The following IMMP2L variants were observed in gnomAD, a reference collection of about 807,000 sequenced individuals.
IMMP2L encodes inner mitochondrial membrane peptidase subunit 2, also known as mitochondrial inner membrane protease subunit 2.
A neutral mutation model predicts 19.3 loss-of-function variants in IMMP2L; 18 were observed. The observed-to-expected ratio is 0.93, with a 90% CI of 0.64 to 1.38. The LOEUF (loss-of-function observed/expected upper bound fraction) is 1.38, where lower values mean the gene tolerates loss of function less well. Ranked by LOEUF, IMMP2L falls within the 40% of genes most tolerant of loss-of-function variation. The pLI is 0.00. For missense variants in IMMP2L, 233 were observed against 218.2 expected (o/e 1.07, Z -0.43); for synonymous variants, 76 against 73.0 (o/e 1.04, Z -0.21).
intron 5 of IMMP2L, among the ~76,000 whole-genome samples, chr7:110,777,249 T>C (rs996432397): frequency 3.4e-4 from 51 of 152,048 alleles, no homozygotes; most frequent in African/African-American, 1.2e-3. Flanking sequence ...TGAAAATCAC[T>C]TGGTTGGGCC....
At chr7:111,490,614 T>A (rs1585324572) in intron 2 of IMMP2L, among the ~76,000 whole-genome samples, 1 of 151,746 alleles carries the variant, frequency 6.6e-6, no homozygotes, top group East Asian at 1.9e-4. Context: ...ATGTAACTCA[T>A]GCTATATCTA....
intron 1 of IMMP2L, among the ~76,000 whole-genome samples, chr7:111,555,710 T>G (rs71213281): frequency 6.6e-6 from 1 of 151,884 alleles, no homozygotes; most frequent in Non-Finnish European, 1.5e-5. Context: ...ACCTATCTTA[T>G]GGCAAAAAGC....
At chr7:111,446,007 G>T (rs10276181) in intron 3 of IMMP2L, among the ~76,000 whole-genome samples, 1 of 151,198 alleles carries the variant, frequency 6.6e-6, no homozygotes, top group Admixed American at 6.6e-5. Context: ...ACCGGCTTAA[G>T]AAACGGCGCA....
chr7:111,479,892 A>G (rs980797221), intron 3 of IMMP2L, among the ~76,000 whole-genome samples: 1 of 152,164 alleles, frequency 6.6e-6, no homozygotes, highest in African/African-American at 2.4e-5. Flanking sequence ...GAAGCTATGT[A>G]TAACTCCTAT....
chr7:111,391,677 G>A (rs1207394592), intron 3 of IMMP2L, among the ~76,000 whole-genome samples: 5 of 151,996 alleles, frequency 3.3e-5, no homozygotes, highest in African/African-American at 4.8e-5. Context: ...CACTGCCTTC[G>A]TTTTATACAG....
chr7:111,015,790 A>G (rs1825447899), intron 3 of IMMP2L, among the ~76,000 whole-genome samples: 1 of 152,116 alleles, frequency 6.6e-6, no homozygotes, highest in African/African-American at 2.4e-5. Context: ...ATATATTAAG[A>G]CCACTGAATT....
chr7:110,875,417 T>C (rs1400149214), intron 5 of IMMP2L, among the ~76,000 whole-genome samples: 2 of 152,138 alleles, frequency 1.3e-5, no homozygotes, highest in African/African-American at 4.8e-5. Flanking sequence ...GACAGAAGAA[T>C]GCAATACAGT....
chr7:110,670,208 A>T (rs962440905), intron 5 of IMMP2L, among the ~76,000 whole-genome samples: 2 of 152,204 alleles, frequency 1.3e-5, no homozygotes, highest in Admixed American at 1.3e-4. Flanking sequence ...TTCATGTGAG[A>T]ACATAGCAAG....
chr7:111,258,862 T>TA (rs1180163801), intron 3 of IMMP2L, among the ~76,000 whole-genome samples: 4 of 152,060 alleles, frequency 2.6e-5, no homozygotes, highest in Non-Finnish European at 5.9e-5. Flanking sequence ...GTACTTATAC[T>TA]TAAGTACTGA....
chr7:110,784,460 C>T (rs1799940824), intron 5 of IMMP2L, among the ~76,000 whole-genome samples: 1 of 151,944 alleles, frequency 6.6e-6, no homozygotes, highest in Non-Finnish European at 1.5e-5. Flanking sequence ...TACCATGAAG[C>T]CATCATCCAT....
At position 111,562,396 on chromosome 7, in the gene IMMP2L, C is replaced by G. The variant is rs1792193730; in HGVS notation, c.-548G>C. The G allele has an allele frequency of 6.7e-6, 1 of 150,366 alleles. No individual in the cohort carries two copies. The highest frequency in any genetic ancestry group is 2.1e-4 in the South Asian group (1 of 4,806). 9.3% of individuals were successfully genotyped at this position (150,366 alleles called of 1,614,324 possible). On this transcript the variant is annotated 5_prime_UTR_variant, in exon 1 of 6. Transcript: ENST00000405709. ...ACCACCAAGGGTCGGCGGCTACGCG[C>G]CCGCCGACCCCTGCCAGCCTCACAG...
intron 3 of IMMP2L, among the ~76,000 whole-genome samples, chr7:111,352,215 A>G (rs1324238091): frequency 1.3e-5 from 2 of 152,098 alleles, no homozygotes; most frequent in East Asian, 3.9e-4. Flanking sequence ...TGGGAGAAGT[A>G]TTTTTTAAGA....
chr7:110,812,078 A>G (rs959949820), intron 5 of IMMP2L, among the ~76,000 whole-genome samples: 2 of 152,054 alleles, frequency 1.3e-5, no homozygotes, highest in African/African-American at 4.8e-5. Flanking sequence ...GAATAAACCT[A>G]TAGATACATA....
At position 111,411,465 on chromosome 7, in the gene IMMP2L, A is replaced by C. The variant is rs893116405; in HGVS notation, c.239+75773T>G. 4.3e-4 allele frequency: 217 copies of C among 500,420 alleles called. 1 individual carries two copies. Among genetic ancestry groups the C allele is most frequent in the Non-Finnish European group, 1.1e-4 (28 of 251,118 alleles). 31.0% of individuals were successfully genotyped at this position (500,420 alleles called of 1,614,324 possible). ...TTGGAGCTCTTCGTGTACCTGAACG[A>C]AGTCACGGGCAAGCACGGCATGGGC... On this transcript the variant is annotated intron_variant, in intron 3 of 5. Transcript: ENST00000405709.
chr7:111,051,180 T>C (rs1792971846), intron 3 of IMMP2L, among the ~76,000 whole-genome samples: 1 of 152,164 alleles, frequency 6.6e-6, no homozygotes, highest in African/African-American at 2.4e-5. Flanking sequence ...GTCTTAAGTA[T>C]TTTTATGCAT....
intron 5 of IMMP2L, among the ~76,000 whole-genome samples, chr7:110,880,397 G>T (rs1348177543): frequency 1.3e-5 from 2 of 152,052 alleles, no homozygotes; most frequent in African/African-American, 2.4e-5. Context: ...CTGTCTTCCA[G>T]CTCAGTCAAA....
chr7:110,868,872 G>A (rs960625578), intron 5 of IMMP2L, among the ~76,000 whole-genome samples: 1 of 150,634 alleles, frequency 6.6e-6, no homozygotes, highest in Non-Finnish European at 1.5e-5. Context: ...AACAGTTCCT[G>A]AACTGAATGC....
chr7:111,134,733 C>T (rs1802172906), intron 3 of IMMP2L, among the ~76,000 whole-genome samples: 1 of 151,808 alleles, frequency 6.6e-6, no homozygotes, highest in Non-Finnish European at 1.5e-5. Context: ...TCGCCTGAAA[C>T]CAAAGAGAAA....
At chr7:111,033,676 C>G (rs1209803281) in intron 3 of IMMP2L, among the ~76,000 whole-genome samples, 1 of 152,062 alleles carries the variant, frequency 6.6e-6, no homozygotes, top group Non-Finnish European at 1.5e-5. Context: ...ATGGAAGAAC[C>G]ATTAATGTAT....
Sources: gnomAD v4.1 joint callset for allele counts (sites outside exome capture counted in the v4.1 genomes callset) on GRCh38, gnomAD v4.1.1 for gene constraint, MANE v1.5 for transcripts, NCBI Gene and HGNC (gene_info 2026-07-23, HGNC 2026-07-21) for gene names.